CCDC7: variants seen among roughly 807,000 people sequenced by gnomAD.
The protein encoded by CCDC7 is coiled-coil domain containing 7.
Under a neutral mutation model 196.9 loss-of-function variants are expected in CCDC7, and 183 were observed. The observed-to-expected ratio is 0.93, with a 90% CI of 0.82 to 1.05. The LOEUF (loss-of-function observed/expected upper bound fraction) is 1.05, where lower values mean the gene tolerates loss of function less well. Among genes scored for constraint, CCDC7 ranks in the 50% least tolerant of loss-of-function variants. The pLI is 0.00. For synonymous variants in CCDC7, 525 were observed against 484.6 expected, an observed-to-expected ratio of 1.08 and a Z score of -1.10; for missense variants, 1,540 against 1,482.2, an observed-to-expected ratio of 1.04 and a Z score of -0.64.
chr10:32,633,525 C>T (rs997638256), intron 18 of CCDC7, among the ~76,000 whole-genome samples: 4 of 152,006 alleles, frequency 2.6e-5, no homozygotes, highest in Non-Finnish European at 5.9e-5. Context: ...TATTTTGTGA[C>T]TTTATTTGCA....
At chr10:32,560,931 A>G (rs1216336313) in intron 13 of CCDC7, among the ~76,000 whole-genome samples, 1 of 152,182 alleles carries the variant, frequency 6.6e-6, no homozygotes, top group Non-Finnish European at 1.5e-5. Context: ...AAACCATCTC[A>G]CATGCAGAGA....
intron 29 of CCDC7, among the ~76,000 whole-genome samples, chr10:32,783,950 A>G (rs1234185540): frequency 6.6e-6 from 1 of 152,206 alleles, no homozygotes; most frequent in African/African-American, 2.4e-5. Context: ...CAATAAGTAG[A>G]CAGAAAGTAG....
At chr10:32,718,054 C>G (rs1441625015) in intron 25 of CCDC7, among the ~76,000 whole-genome samples, 4 of 152,142 alleles carry the variant, frequency 2.6e-5, no homozygotes, top group South Asian at 2.1e-4. Flanking sequence ...CATCCTGATA[C>G]CAAAATCTGG....
intron 8 of CCDC7, 163 bp downstream of exon 9, chr10:32,474,186 G>T (rs2038507660): frequency 7.7e-6 from 2 of 258,504 alleles, no homozygotes; most frequent in East Asian, 1.1e-4. Flanking sequence ...CTTAGTTAAG[G>T]ATACGTGTTA....
At chr10:32,555,618 T>C (rs932822925) in intron 13 of CCDC7, among the ~76,000 whole-genome samples, 5 of 151,880 alleles carry the variant, frequency 3.3e-5, no homozygotes, top group Non-Finnish European at 5.9e-5. Context: ...TAGGTAAGAG[T>C]AGCATGCATA....
intron 11 of CCDC7, among the ~76,000 whole-genome samples, chr10:32,528,653 T>TATATATATACACACACATATATATATGC (rs1211341438): frequency 2.0e-5 from 3 of 147,242 alleles, no homozygotes; most frequent in African/African-American, 5.0e-5. Context: ...TGTGTGTGTA[T>TATATATATACACACACATATATATATGC]ATATATATAC....
rs2063694044 is a variant in CCDC7 at position 32,623,946 on chromosome 10, C to T, written c.1802-10308C>T. On this transcript the variant is annotated intron_variant, in intron 18 of 41. Coordinates refer to ENST00000639629, the Ensembl canonical transcript of CCDC7. ...CTAAACTGTTCATGAGGGATCCTCC[C>T]GTATAATCCAAACACCTCCCACCGG... 4 of 312,866 alleles carry T rather than the reference C, an allele frequency of 1.3e-5. No individual in the cohort carries two copies. In the East Asian group the frequency reaches 2.6e-4, roughly 21 times the overall value. 19.4% of individuals were successfully genotyped at this position (312,866 alleles called of 1,614,324 possible).
chr10:32,720,704 A>G lies in CCDC7; in HGVS notation c.2570-6030A>G, dbSNP rs150855724. On this transcript the variant is annotated intron_variant, in intron 25 of 41. Coordinates refer to ENST00000639629, the Ensembl canonical transcript of CCDC7. ...GCATTCAGTGCACTTTCTGAGACCC[A>G]TTGGCATAGTTGATGACCCTCAGAC... 4.5e-4 allele frequency among the ~76,000 whole-genome samples: 68 copies of G among 152,242 alleles called. 1 individual carries two copies. Among genetic ancestry groups the G allele is most frequent in the Middle Eastern group, 6.8e-3 (2 of 294 alleles).
chr10:32,649,565 C>G (rs2068359775), intron 20 of CCDC7, among the ~76,000 whole-genome samples: 1 of 152,148 alleles, frequency 6.6e-6, no homozygotes, highest in Non-Finnish European at 1.5e-5. Context: ...ATGTTGACCT[C>G]TCTAGCAAGA....
chr10:32,525,975 A>T (rs2048612393), intron 11 of CCDC7, among the ~76,000 whole-genome samples: 1 of 152,214 alleles, frequency 6.6e-6, no homozygotes, highest in Non-Finnish European at 1.5e-5. Context: ...CCAGCACAGG[A>T]CTGGGCCTTT....
chr10:32,751,876 A>G (rs554363048), intron 28 of CCDC7, among the ~76,000 whole-genome samples: 4 of 152,148 alleles, frequency 2.6e-5, no homozygotes, highest in Non-Finnish European at 4.4e-5. Context: ...AAGTTTATGA[A>G]CCACAATATT....
intron 28 of CCDC7, among the ~76,000 whole-genome samples, chr10:32,758,513 A>T (rs2076869405): frequency 6.6e-6 from 1 of 152,346 alleles, no homozygotes; most frequent in Middle Eastern, 3.4e-3. Flanking sequence ...GATTATCTCA[A>T]TAGATATGGA....
chr10:32,810,548 CA>C (rs1238407059), intron 30 of CCDC7, among the ~76,000 whole-genome samples: 2 of 152,066 alleles, frequency 1.3e-5, no homozygotes, highest in Non-Finnish European at 2.9e-5. Flanking sequence ...GGGACAGAGA[CA>C]GTCCAATAAA....
chr10:32,793,534 C>T (rs1398025724), intron 29 of CCDC7, among the ~76,000 whole-genome samples: 1 of 152,164 alleles, frequency 6.6e-6, no homozygotes, highest in Non-Finnish European at 1.5e-5. Context: ...AATCAAAAAA[C>T]ATCTGAATGA....
At position 32,596,739 on chromosome 10, in the gene CCDC7, C is replaced by T. The variant is rs181123704; in HGVS notation, c.1801+12435C>T. 2.6e-3 allele frequency among the ~76,000 whole-genome samples: 394 copies of T among 152,202 alleles called. 3 individuals carry two copies. Among genetic ancestry groups the T allele is most frequent in the African/African-American group, 8.7e-3 (363 of 41,502 alleles). On this transcript the variant is annotated intron_variant, in intron 18 of 41. Coordinates refer to ENST00000639629, the Ensembl canonical transcript of CCDC7. Reference sequence around the variant, plus strand: ...AGGCGTTGTGATAACAAAATCTCTCCGCATTTGTTTGTCTGTAAAGTATTT... The same window carrying T: ...AGGCGTTGTGATAACAAAATCTCTCTGCATTTGTTTGTCTGTAAAGTATTT...
At chr10:32,626,603 G>A (rs2064082045) in intron 18 of CCDC7, among the ~76,000 whole-genome samples, 1 of 151,864 alleles carries the variant, frequency 6.6e-6, no homozygotes, top group African/African-American at 2.4e-5. Context: ...TTTGTTGCCT[G>A]TGCTTTTGGG....
At chr10:32,847,290 A>G (rs1170034055) in intron 37 of CCDC7, among the ~76,000 whole-genome samples, 2 of 152,178 alleles carry the variant, frequency 1.3e-5, no homozygotes, top group Admixed American at 1.3e-4. Context: ...ATACTACGGA[A>G]ACTGTCAAAA....
chr10:32,601,344 T>C (rs530147777), intron 18 of CCDC7, among the ~76,000 whole-genome samples: 1 of 152,354 alleles, frequency 6.6e-6, no homozygotes. Context: ...GTGCTGGGAT[T>C]ACAGGCATGA....
At chr10:32,583,889 C>A (rs1443619369) in intron 17 of CCDC7, among the ~76,000 whole-genome samples, 2 of 151,876 alleles carry the variant, frequency 1.3e-5, no homozygotes, top group Non-Finnish European at 2.9e-5. Context: ...CATTTGAGTT[C>A]TTCTAAAGAT....
Sources: gnomAD v4.1 joint callset for allele counts (sites outside exome capture counted in the v4.1 genomes callset) on GRCh38, gnomAD v4.1.1 for gene constraint, MANE v1.5 for transcripts, NCBI Gene and HGNC (gene_info 2026-07-23, HGNC 2026-07-21) for gene names.